The following WDR36 variants were observed in gnomAD, a reference collection of about 807,000 sequenced individuals.
WDR36 encodes WD repeat-containing protein 36.
A neutral mutation model predicts 112.7 loss-of-function variants in WDR36; 63 were observed. That is an observed-to-expected ratio of 0.56 (90% CI 0.46 to 0.69). WDR36 has a LOEUF of 0.69. WDR36 is among the 30% of genes least tolerant of loss of function. The pLI is 0.00. For synonymous variants in WDR36, 410 were observed against 362.2 expected, an observed-to-expected ratio of 1.13 and a Z score of -1.50; for missense variants, 1,226 against 1,070.3, an observed-to-expected ratio of 1.15 and a Z score of -2.03.
chr5:111,101,821 C>T (rs1753126190), intron 5 of WDR36, among the ~76,000 whole-genome samples: 1 of 151,640 alleles, frequency 6.6e-6, no homozygotes, highest in Non-Finnish European at 1.5e-5. Flanking sequence ...TGTCTTTGCC[C>T]ATTTACAGAA....
At chr5:111,096,240 C>T (rs188893955) in intron 2 of WDR36, among the ~76,000 whole-genome samples, 68 of 152,232 alleles carry the variant, frequency 4.5e-4, no homozygotes, top group Admixed American at 2.6e-3. Context: ...AGGCATATTT[C>T]CCTTGGAGAA....
intron 5 of WDR36, 47 bp downstream of exon 5, chr5:111,100,768 T>G: frequency 6.4e-7 from 1 of 1,557,030 alleles, no homozygotes; most frequent in Non-Finnish European, 8.8e-7. Flanking sequence ...CTTATCCTCA[T>G]CTACTACTTC....
chr5:111,119,142 T>G (rs1753517011), intron 17 of WDR36, 22 bp downstream of exon 17: 6 of 1,561,592 alleles, frequency 3.8e-6, no homozygotes, highest in Non-Finnish European at 5.3e-6. Context: ...CATACAGTTC[T>G]GTTTTGGGAT....
chr5:111,099,792 C>T (rs2416257), intron 4 of WDR36, among the ~76,000 whole-genome samples: 20,248 of 151,870 alleles, frequency 0.13, 1,434 homozygotes, highest in South Asian at 0.28. Context: ...ACCTGTACAT[C>T]CTAAACTGTG....
Position 111,130,099 on chromosome 5 carries a change from C to T in WDR36, c.*3216C>T, listed in dbSNP as rs1344882594. 1 of 209,824 alleles carries T rather than the reference C, an allele frequency of 4.8e-6. No individual in the cohort carries two copies. The highest frequency in any genetic ancestry group is 9.7e-6 in the Non-Finnish European group (1 of 103,176). 13.0% of individuals were successfully genotyped at this position (209,824 alleles called of 1,614,324 possible). On this transcript the variant is annotated 3_prime_UTR_variant, in exon 23 of 23. Transcript: ENST00000513710. ...AAAATTGGTTAACTGCTGGTGAGCACATCTCTTGAAGTTTTGATATGGGTT... is the reference window on the plus strand; with the variant it reads ...AAAATTGGTTAACTGCTGGTGAGCATATCTCTTGAAGTTTTGATATGGGTT...
At position 111,097,129 on chromosome 5, in the gene WDR36, G is replaced by C. The variant is rs1478761734; in HGVS notation, c.241G>C (p.Val81Leu). 1.2e-6 allele frequency: 2 copies of C among 1,613,800 alleles called. No homozygotes were observed. The highest frequency in any genetic ancestry group is 3.3e-5 in the Admixed American group (2 of 60,016). The change falls in exon 3 of 23, where the codon GTC becomes CTC. Residue 81 changes from valine (V) to leucine (L), a missense_variant. By Grantham distance (32) the Val-to-Leu change is conservative. Transcript: ENST00000513710. The part of the protein sequence containing the change: ...ICCMAADGRL[V>L]FAAYGNVFSA... ...CTGTATGGCAGCTGATGGCAGATTA[G>C]TCTTTGCTGCTTATGGAAATGTTTT...
At chr5:111,105,189 A>G (rs1263337939) in intron 9 of WDR36, 106 bp from the exon 10 acceptor site, 1 of 1,247,000 alleles carries the variant, frequency 8.0e-7, no homozygotes, top group African/African-American at 1.5e-5. Flanking sequence ...AAAGTGTCCC[A>G]AACTGTAACT....
chr5:111,104,033 G>A lies in WDR36; in HGVS notation c.730+115G>A, dbSNP rs745336524. 2.1e-6 allele frequency: 3 copies of A among 1,437,304 alleles called. No individual in the cohort carries two copies. In the African/African-American group the frequency reaches 4.3e-5, roughly 21 times the overall value. 89.0% of individuals were successfully genotyped at this position (1,437,304 alleles called of 1,614,324 possible). ...ATCTAATAGAAGTGAATGAATACTG[G>A]AGTAAAAGGCAAAGAAATATGAATA... On this transcript the variant is annotated intron_variant, in intron 7 of 22. Transcript: ENST00000513710.
intron 19 of WDR36, among the ~76,000 whole-genome samples, chr5:111,121,719 A>T (rs567710282): frequency 6.6e-6 from 1 of 152,338 alleles, no homozygotes; most frequent in East Asian, 1.9e-4. Flanking sequence ...ATGATTCTGC[A>T]TGAAAAATGG....
rs537307733 is a variant in WDR36 at position 111,106,083 on chromosome 5, C to T, written c.1120C>T (p.Arg374Cys). The T allele has an allele frequency of 4.4e-5, 71 of 1,609,586 alleles. No individual in the cohort carries two copies. Among genetic ancestry groups the T allele is most frequent in the Admixed American group, 3.7e-4 (22 of 59,716 alleles). The change falls in exon 11 of 23, where the codon CGT becomes TGT. Residue 374 changes from arginine to cysteine, a missense_variant. By Grantham distance (180) the Arg-to-Cys change is radical. Coordinates refer to ENST00000513710, the MANE Select transcript of WDR36 (RefSeq NM_139281.3). ...HGLINKKRVK[R>C]KGLQNTMSVR... is the part of the protein sequence containing the mutation. ...ATTAATAAATAAAAAGAGAGTTAAA[C>T]GTAAAGGACTTCAGAATACCATGTC...
In WDR36 at chr5:111,129,940, A is replaced by T. The variant is rs1007015655; in HGVS notation, c.*3057A>T. On this transcript the variant is annotated 3_prime_UTR_variant, in exon 23 of 23. Transcript: ENST00000513710. ...TCAAAATTCATTTATTGAAAAGTCC[A>T]CTCATATGTCTGATTTGAAATGCTG... 4.8e-6 allele frequency: 1 copy of T among 210,294 alleles called. No individual in the cohort carries two copies. The highest frequency in any genetic ancestry group is 9.6e-6 in the Non-Finnish European group (1 of 103,768). 13.0% of individuals were successfully genotyped at this position (210,294 alleles called of 1,614,324 possible). A position where few individuals can be genotyped will look rare whatever the true frequency, so the allele number is the denominator to read the frequency against.
At position 111,103,683 on chromosome 5, in the gene WDR36, CTTCA is replaced by C. The variant is rs1753165181; in HGVS notation, c.598-100_598-97del. The C allele has an allele frequency of 1.7e-5, 25 of 1,446,884 alleles. No individual in the cohort carries two copies. In the East Asian group the frequency reaches 5.8e-4, roughly 33 times the overall value. The allele number at this position is 1,446,884 out of a possible 1,614,324, so 89.6% of individuals were successfully genotyped here. A position where few individuals can be genotyped will look rare whatever the true frequency, so the allele number is the denominator to read the frequency against. ...TTTTTCTGCCATCTTTTAGAAGATA[CTTCA>C]TTATTTCTTTTGATAACACCTAATA... On this transcript the variant is annotated intron_variant, in intron 6 of 22. Transcript: ENST00000513710.
intron 12 of WDR36, among the ~76,000 whole-genome samples, chr5:111,107,663 A>G (rs980295288): frequency 2.0e-5 from 3 of 151,370 alleles, no homozygotes; most frequent in Non-Finnish European, 4.4e-5. Flanking sequence ...ACTTTTGTGT[A>G]TGGTATGATA....
intron 18 of WDR36, 32 bp downstream of exon 18, chr5:111,120,625 G>A: frequency 6.5e-7 from 1 of 1,545,780 alleles, no homozygotes. Flanking sequence ...AATTTTTGAG[G>A]TGTAATATTA....
rs1451375525 is a variant in WDR36, at chr5:111,119,056, T to C, written c.1840T>C (p.Ser614Pro). 2.5e-6 allele frequency: 4 copies of C among 1,613,728 alleles called. No homozygotes were observed. The highest frequency in any genetic ancestry group is 1.3e-5 in the African/African-American group (1 of 75,046). Residue 614 changes from serine to proline, a missense_variant, in exon 17 of 23, where the codon TCT becomes CCT. By Grantham distance (74) the Ser-to-Pro change is moderately conservative (BLOSUM62 -1). Transcript: ENST00000513710. ...GTTGGACTCGGCTCCTCTCAATGTT[T>C]CTATGTCTCCTACTGGAGACTTTCT... ...FLLDSAPLNV[S>P]MSPTGDFLAT... is the part of the protein sequence containing the mutation.
intron 2 of WDR36, among the ~76,000 whole-genome samples, chr5:111,095,853 T>C (rs56167534): frequency 0.14 from 20,519 of 151,340 alleles, 1,462 homozygotes; most frequent in South Asian, 0.28. Flanking sequence ...AATGGAAGGG[T>C]TTTTTTTTAA....
intron 19 of WDR36, among the ~76,000 whole-genome samples, chr5:111,122,195 T>A (rs1310830740): frequency 6.6e-6 from 1 of 152,188 alleles, no homozygotes; most frequent in Non-Finnish European, 1.5e-5. Flanking sequence ...AAGGGAGTAC[T>A]TTATGAAATA....
Position 111,110,283 on chromosome 5 carries a change from G to C in WDR36, c.1421G>C (p.Gly474Ala), listed in dbSNP as rs759320396. The change falls in exon 13 of 23, where the codon GGA becomes GCA. Residue 474 changes from glycine to alanine, a missense_variant. Gly to Ala is a moderately conservative substitution (Grantham distance 60). Coordinates refer to ENST00000513710, the MANE Select transcript of WDR36 (RefSeq NM_139281.3). Reference sequence around the variant, plus strand: ...AACATGCAGTCTGGCATACATCGAGGAAGTTTTGGCAAGGATCAAGGTAGA... The same window carrying C: ...AACATGCAGTCTGGCATACATCGAGCAAGTTTTGGCAAGGATCAAGGTAGA... ...VYNMQSGIHR[G>A]SFGKDQAHKG... 3.1e-5 allele frequency: 50 copies of C among 1,610,604 alleles called. No homozygotes were observed. The highest frequency in any genetic ancestry group is 3.9e-5 in the Non-Finnish European group (46 of 1,177,486).
rs1412149151 is a variant in WDR36 at position 111,100,721 on chromosome 5, A to G, written c.542A>G (p.Asn181Ser). 6.2e-7 allele frequency: 1 copy of G among 1,608,104 alleles called. No individual in the cohort carries two copies. The highest frequency in any genetic ancestry group is 8.5e-7 in the Non-Finnish European group (1 of 1,176,062). Residue 181 changes from asparagine to serine, a missense_variant and splice_region_variant, in exon 5 of 23, where the codon AAT (asparagine) becomes AGT (serine). Asn to Ser is a conservative substitution (Grantham distance 46). Transcript: ENST00000513710. ...CTGCAGTTGTGGAATGTAAAATCCA[A>G]GTAAGTATTTTAGTTAGAAAATAAT... The part of the protein sequence containing the change: ...GSLQLWNVKS[N>S]KLLYTFPGWK...
Sources: allele counts gnomAD v4.1 joint callset (sites outside exome capture counted in the v4.1 genomes callset), GRCh38; gene constraint gnomAD v4.1.1; transcripts MANE v1.5; gene names NCBI Gene and HGNC (gene_info 2026-07-23, HGNC 2026-07-21).